Variants in CFAP206 observed in about 807,000 individuals in gnomAD.
CFAP206 encodes the protein cilia- and flagella-associated protein 206.
CFAP206 carries 53 observed loss-of-function variants against 65.4 expected under a neutral mutation model. The ratio of observed to expected loss-of-function variants is 0.81; its 90% CI spans 0.65 to 1.02. CFAP206 has a LOEUF of 1.02. Ranked by LOEUF, CFAP206 falls within the 50% of genes least tolerant of loss-of-function variation. The pLI is 0.00. For synonymous variants in CFAP206, 250 were observed against 254.4 expected, an observed-to-expected ratio of 0.98 and a Z score of 0.17; for missense variants, 663 against 753.2, an observed-to-expected ratio of 0.88 and a Z score of 1.40.
rs144416153 is a variant in CFAP206 at position 87,442,094 on chromosome 6, A to G, written c.1494+7041A>G. ...TTTTGGTTTGCATCGGGTTGCTGCC[A>G]GGAGGACCTCCAGCAGCTTCTAGGT... On this transcript the variant is annotated intron_variant, in intron 11 of 12. Transcript: ENST00000369562. 469 of 179,994 alleles carry G rather than the reference A, an allele frequency of 2.6e-3. 2 individuals carry two copies. The highest frequency in any genetic ancestry group is 0.011 in the African/African-American group (453 of 42,400). The allele number at this position is 179,994 out of a possible 1,614,324, so 11.1% of individuals were successfully genotyped here.
At chr6:87,436,528 C>G (rs1179963414) in intron 11 of CFAP206, among the ~76,000 whole-genome samples, 1 of 152,132 alleles carries the variant, frequency 6.6e-6, no homozygotes, top group African/African-American at 2.4e-5. Flanking sequence ...TCTGAACACA[C>G]AGGCAAGAAG....
At chr6:87,457,781 A>T (rs149253096) in intron 11 of CFAP206, among the ~76,000 whole-genome samples, 12 of 152,360 alleles carry the variant, frequency 7.9e-5, no homozygotes, top group African/African-American at 2.6e-4. Flanking sequence ...TTCTTGGGTC[A>T]TTCCCCACCA....
At chr6:87,445,426 A>G (rs1768426516) in intron 11 of CFAP206, among the ~76,000 whole-genome samples, 1 of 151,936 alleles carries the variant, frequency 6.6e-6, no homozygotes, top group Non-Finnish European at 1.5e-5. Context: ...CTCATTGTTC[A>G]GCTCCCACTT....
At position 87,415,611 on chromosome 6, in the gene CFAP206, A is replaced by G. The variant is rs553204124; in HGVS notation, c.284-75A>G. ...GAAGTAGAATTGCCATATCCAATCC[A>G]GTTTTTCTCTAGTTCTTACGTAAGA... is the stretch of plus-strand genomic sequence containing the variant. On this transcript the variant is annotated intron_variant, in intron 4 of 12. Transcript: ENST00000369562. 52 of 1,312,980 alleles carry G rather than the reference A, an allele frequency of 4.0e-5. No individual in the cohort carries two copies. In the East Asian group the frequency reaches 1.1e-3, roughly 29 times the overall value. 81.3% of individuals were successfully genotyped at this position (1,312,980 alleles called of 1,614,324 possible).
chr6:87,424,373 G>C (rs1053489624), intron 7 of CFAP206, among the ~76,000 whole-genome samples: 15 of 152,042 alleles, frequency 9.9e-5, no homozygotes, highest in South Asian at 2.1e-4. Context: ...TCCGCCTCCC[G>C]AGTTCAAGTG....
intron 5 of CFAP206, 91 bp downstream of exon 5, chr6:87,415,965 G>GTTA: frequency 1.1e-6 from 1 of 938,030 alleles, no homozygotes. Context: ...GTTAAAGATT[G>GTTA]AAGTTCCCTT....
rs1355551080 is a variant in CFAP206, at chr6:87,431,103, T to G, written c.1230T>G (p.Asp410Glu). The part of the protein sequence containing the change: ...WLFPETTANF[D>E]KLLIQYRGFC... ...TCCCAGAAACAACAGCAAATTTTGA[T>G]AAACTGTTAATTCAATATCGGGGAT... Residue 410 changes from aspartate (D) to glutamate (E), a missense_variant, in exon 10 of 13, where the codon GAT (aspartate) becomes GAG (glutamate). Coordinates refer to ENST00000369562, the MANE Select transcript of CFAP206 (RefSeq NM_001031743.3). 1.2e-6 allele frequency: 2 copies of G among 1,613,934 alleles called. No homozygotes were observed. The highest frequency in any genetic ancestry group is 1.3e-5 in the African/African-American group (1 of 74,930).
chr6:87,424,614 T>C (rs1768005375), intron 7 of CFAP206, among the ~76,000 whole-genome samples: 2 of 152,242 alleles, frequency 1.3e-5, no homozygotes, highest in Admixed American at 1.3e-4. Flanking sequence ...TAGCAACTTA[T>C]TTTCAGACCA....
intron 10 of CFAP206, among the ~76,000 whole-genome samples, chr6:87,433,186 A>G (rs556783469): frequency 6.6e-6 from 1 of 152,238 alleles, no homozygotes; most frequent in Admixed American, 6.5e-5. Context: ...TAATCACTCA[A>G]TTTAAAATAT....
At chr6:87,454,235 T>G (rs1451858834) in intron 11 of CFAP206, among the ~76,000 whole-genome samples, 1 of 152,134 alleles carries the variant, frequency 6.6e-6, no homozygotes, top group Non-Finnish European at 1.5e-5. Flanking sequence ...TCCAGACATA[T>G]AAAACAAATA....
intron 11 of CFAP206, among the ~76,000 whole-genome samples, chr6:87,451,901 C>T (rs1057442508): frequency 2.0e-5 from 3 of 152,004 alleles, no homozygotes; most frequent in Non-Finnish European, 4.4e-5. Flanking sequence ...TTCCGCTTCC[C>T]TGAAAGGGGA....
At chr6:87,456,722 G>A (rs1245397019) in intron 11 of CFAP206, among the ~76,000 whole-genome samples, 1 of 152,068 alleles carries the variant, frequency 6.6e-6, no homozygotes. Context: ...TATGCTAAAA[G>A]CAAAGAATCT....
At chr6:87,431,557 G>A (rs1768156004) in intron 10 of CFAP206, among the ~76,000 whole-genome samples, 1 of 152,188 alleles carries the variant, frequency 6.6e-6, no homozygotes, top group Admixed American at 6.5e-5. Flanking sequence ...CTTGAGGTCA[G>A]GAGTTGGAGA....
Position 87,426,614 on chromosome 6 carries a change from C to G in CFAP206, c.929C>G (p.Ser310Ter). 1 of 1,594,048 alleles carries G rather than the reference C, an allele frequency of 6.3e-7. No individual in the cohort carries two copies. Among genetic ancestry groups the G allele is most frequent in the Non-Finnish European group, 8.5e-7 (1 of 1,170,052 alleles). Reference protein sequence around the residue: ...HLEQLKMTIKSKIAVPTSQVF... With the variant: ...HLEQLKMTIK ...GAACAACTAAAAATGACCATAAAAT[C>G]AAAGATAGCGGTCCCAACATCACAA... is the stretch of plus-strand genomic sequence containing the variant. Residue 310 changes from serine to a stop codon, truncating the protein, a stop_gained, in exon 8 of 13, where the codon TCA becomes TGA. Coordinates refer to ENST00000369562, the MANE Select transcript of CFAP206 (RefSeq NM_001031743.3). LOFTEE classifies it high-confidence loss of function.
At chr6:87,436,074 CTGT>C (rs952951077) in intron 11 of CFAP206, 1 of 140,852 alleles carries the variant, frequency 7.1e-6, no homozygotes, top group African/African-American at 2.6e-5. Flanking sequence ...TTTAAAATGT[CTGT>C]TGTTTCCTTT....
chr6:87,417,328 T>C (rs2127948354), intron 6 of CFAP206, among the ~76,000 whole-genome samples: 1 of 152,296 alleles, frequency 6.6e-6, no homozygotes, highest in Non-Finnish European at 1.5e-5. Context: ...TTTAATGAAG[T>C]ACCTACCAGT....
rs1285005994 is a variant in CFAP206 at position 87,464,377 on chromosome 6, T to C, written c.*127T>C. On this transcript the variant is annotated 3_prime_UTR_variant, in exon 13 of 13. Transcript: ENST00000369562. ...CATTCATTGGTTGTGTGACTGTTTA[T>C]TGGGTTCCCATATTTTATCAAACTG... The C allele has an allele frequency of 2.7e-5, 16 of 593,544 alleles. No individual in the cohort carries two copies. Among genetic ancestry groups the C allele is most frequent in the Non-Finnish European group, 4.3e-5 (16 of 371,286 alleles). The allele number at this position is 593,544 out of a possible 1,614,324, so 36.8% of individuals were successfully genotyped here.
intron 11 of CFAP206, among the ~76,000 whole-genome samples, chr6:87,459,306 G>A (rs895338735): frequency 1.3e-5 from 2 of 152,022 alleles, no homozygotes; most frequent in African/African-American, 4.8e-5. Flanking sequence ...ACTGGTGTTC[G>A]AGGCATACAT....
chr6:87,433,892 G>A (rs1012303910), intron 10 of CFAP206, among the ~76,000 whole-genome samples: 4 of 151,988 alleles, frequency 2.6e-5, no homozygotes, highest in Non-Finnish European at 5.9e-5. Context: ...CTGAGGTCAG[G>A]AGTTCAAGAC....
Sources: allele counts gnomAD v4.1 joint callset (sites outside exome capture counted in the v4.1 genomes callset), GRCh38; gene constraint gnomAD v4.1.1; transcripts MANE v1.5; gene names NCBI Gene and HGNC (gene_info 2026-07-23, HGNC 2026-07-21).